The following GSAP variants were observed in gnomAD, a reference collection of about 807,000 sequenced individuals.
GSAP encodes the protein gamma-secretase activating protein.
GSAP carries 118 observed loss-of-function variants against 131.7 expected under a neutral mutation model. The observed-to-expected ratio is 0.90, with a 90% CI of 0.77 to 1.04. GSAP has a LOEUF of 1.04. Ranked by LOEUF, GSAP falls within the 50% of genes least tolerant of loss-of-function variation. The pLI is 0.00. For synonymous variants in GSAP, 381 were observed against 363.4 expected (o/e 1.05, Z -0.55); for missense variants, 1,019 against 1,013.2 (o/e 1.01, Z -0.08).
At chr7:77,409,821 T>C (rs2151208132) in intron 1 of GSAP, among the ~76,000 whole-genome samples, 2 of 152,314 alleles carry the variant, frequency 1.3e-5, no homozygotes, top group South Asian at 4.1e-4. Context: ...CAGATTACTA[T>C]AATACTAAGA....
chr7:77,396,453 C>A (rs1241475549), intron 5 of GSAP, among the ~76,000 whole-genome samples: 1 of 152,092 alleles, frequency 6.6e-6, no homozygotes, highest in Non-Finnish European at 1.5e-5. Context: ...ATGCCTGACC[C>A]CCAGCAGGCA....
chr7:77,344,677 T>A (rs549956922), intron 19 of GSAP, among the ~76,000 whole-genome samples: 34 of 152,324 alleles, frequency 2.2e-4, no homozygotes, highest in Non-Finnish European at 4.0e-4. Context: ...AACTCCCTTT[T>A]AGAGTGGATA....
intron 5 of GSAP, 112 bp from the exon 6 acceptor site, chr7:77,387,560 C>G (rs1184453557): frequency 1.5e-6 from 1 of 651,972 alleles, no homozygotes; most frequent in African/African-American, 1.8e-5. Context: ...TGACTATAAA[C>G]TAATAAAACA....
chr7:77,318,039 T>C (rs1038250272), intron 26 of GSAP, among the ~76,000 whole-genome samples: 4 of 152,212 alleles, frequency 2.6e-5, no homozygotes, highest in African/African-American at 4.8e-5. Context: ...GAGCAGCATA[T>C]GCTGTAGGGA....
intron 6 of GSAP, among the ~76,000 whole-genome samples, chr7:77,383,747 G>A (rs1378096892): frequency 6.6e-6 from 1 of 152,170 alleles, no homozygotes; most frequent in African/African-American, 2.4e-5. Flanking sequence ...TTTGCAGCAT[G>A]AAAGACCCGT....
chr7:77,337,608 T>C (rs1790223901), intron 19 of GSAP, among the ~76,000 whole-genome samples: 2 of 152,168 alleles, frequency 1.3e-5, no homozygotes, highest in Non-Finnish European at 2.9e-5. Context: ...CCCTCACATC[T>C]GAGTGGCCAT....
At chr7:77,313,327 A>G (rs7790123) in intron 28 of GSAP, among the ~76,000 whole-genome samples, 161 bp downstream of exon 28, 41,847 of 152,190 alleles carry the variant, frequency 0.27, 6,256 homozygotes, top group South Asian at 0.35. Context: ...GGAAACAGCT[A>G]ACAGAGGGCT....
chr7:77,394,196 G>T (rs1247535143), intron 5 of GSAP, among the ~76,000 whole-genome samples: 1 of 152,130 alleles, frequency 6.6e-6, no homozygotes, highest in Admixed American at 6.6e-5. Flanking sequence ...AGGAATGAGG[G>T]CCACACCTTT....
At position 77,363,019 on chromosome 7, in the gene GSAP, T is replaced by C. The variant is rs143381997; in HGVS notation, c.872-359A>G. ...TATCTAGCTTGTCACCTTGCAATTA[T>C]TACTAACAGCTGTGAACACCAGTTT... On this transcript the variant is annotated intron_variant, in intron 12 of 30. Coordinates refer to ENST00000257626, the MANE Select transcript of GSAP (RefSeq NM_017439.4). Among the ~76,000 whole-genome samples the C allele has an allele frequency of 2.0e-5, 3 of 152,374 alleles. No homozygotes were observed. The East Asian group carries it at 5.8e-4, about 29-fold the overall frequency.
At chr7:77,365,133 T>G (rs1795098275) in intron 12 of GSAP, among the ~76,000 whole-genome samples, 1 of 151,182 alleles carries the variant, frequency 6.6e-6, no homozygotes, top group Non-Finnish European at 1.5e-5. Flanking sequence ...TTATTTTTTT[T>G]AAGAGATGGA....
At chr7:77,311,483 G>A in intron 30 of GSAP, 34 bp from the exon 31 acceptor site, 1 of 1,034,116 alleles carries the variant, frequency 9.7e-7, no homozygotes, top group East Asian at 2.4e-5. Context: ...AGGGAAAAAG[G>A]GTTACCATGG....
chr7:77,351,168 G>A (rs757732118), intron 18 of GSAP: 6 of 981,304 alleles, frequency 6.1e-6, no homozygotes, highest in Non-Finnish European at 4.8e-6. Context: ...CAATGTGACA[G>A]TTGAAAGCCG....
At chr7:77,370,823 T>C (rs1796008607) in intron 12 of GSAP, among the ~76,000 whole-genome samples, 1 of 151,876 alleles carries the variant, frequency 6.6e-6, no homozygotes, top group Non-Finnish European at 1.5e-5. Context: ...TTCATGCTAC[T>C]AGACACAGTG....
intron 8 of GSAP, among the ~76,000 whole-genome samples, chr7:77,380,691 T>A (rs555264343): frequency 2.0e-5 from 3 of 151,470 alleles, no homozygotes. Flanking sequence ...ACATACCAGG[T>A]TGTGAACAAA....
At chr7:77,375,163 C>T in intron 10 of GSAP, 62 bp from the exon 11 acceptor site, 1 of 899,784 alleles carries the variant, frequency 1.1e-6, no homozygotes, top group South Asian at 1.5e-5. Flanking sequence ...GTTCTGAAAA[C>T]CAGAGCAAGC....
intron 8 of GSAP, among the ~76,000 whole-genome samples, chr7:77,377,974 G>A (rs1430525676): frequency 6.6e-6 from 1 of 152,158 alleles, no homozygotes; most frequent in Non-Finnish European, 1.5e-5. Context: ...CTTACACATT[G>A]TGTTCTACAC....
At chr7:77,396,345 T>TCTCTG (rs1800392423) in intron 5 of GSAP, among the ~76,000 whole-genome samples, 1 of 152,208 alleles carries the variant, frequency 6.6e-6, no homozygotes, top group African/African-American at 2.4e-5. Flanking sequence ...GGCCAATGTA[T>TCTCTG]GCATTTGCAA....
intron 1 of GSAP, among the ~76,000 whole-genome samples, chr7:77,409,565 CTT>C (rs1292193979): frequency 6.6e-6 from 1 of 152,116 alleles, no homozygotes; most frequent in African/African-American, 2.4e-5. Context: ...CTCAAAAGTC[CTT>C]TGAAAGGCAG....
chr7:77,416,502 G>A, upstream of GSAP: 1 of 412,620 alleles, frequency 2.4e-6, no homozygotes. Context: ...CCTCCCGGCC[G>A]GCGGCCCGCA....
Sources: gnomAD v4.1 joint callset for allele counts (sites outside exome capture counted in the v4.1 genomes callset) on GRCh38, gnomAD v4.1.1 for gene constraint, MANE v1.5 for transcripts, NCBI Gene and HGNC (gene_info 2026-07-23, HGNC 2026-07-21) for gene names.